The following PRKAR2B variants were observed in gnomAD, a reference collection of about 807,000 sequenced individuals.
PRKAR2B encodes the protein cAMP-dependent protein kinase type II-beta regulatory subunit.
PRKAR2B carries 14 observed loss-of-function variants against 49.9 expected under a neutral mutation model. The observed-to-expected ratio is 0.28, with a 90% CI of 0.19 to 0.44. The LOEUF is 0.44. PRKAR2B is among the 20% of genes least tolerant of loss of function. The probability of loss-of-function intolerance (pLI) is 1.00; values close to 1 mark genes in which losing one functional copy is unlikely to be tolerated. For synonymous variants in PRKAR2B, 196 were observed against 197.7 expected, an observed-to-expected ratio of 0.99 and a Z score of 0.07; for missense variants, 393 against 537.9, an observed-to-expected ratio of 0.73 and a Z score of 2.67.
chr7:107,092,246 TG>T (rs1039418512), intron 2 of PRKAR2B, among the ~76,000 whole-genome samples: 3 of 31,600 alleles, frequency 9.5e-5, no homozygotes, highest in Non-Finnish European at 1.9e-4. Flanking sequence ...ACCATTAAGT[TG>T]TGTGTGTGTG....
intron 2 of PRKAR2B, among the ~76,000 whole-genome samples, chr7:107,071,505 G>A (rs1794276759): frequency 2.6e-5 from 4 of 152,312 alleles, no homozygotes; most frequent in African/African-American, 9.6e-5. Flanking sequence ...GAGACATTAT[G>A]TTTATGTCAG....
At chr7:107,097,178 A>T (rs183253091) in intron 2 of PRKAR2B, among the ~76,000 whole-genome samples, 14 of 152,330 alleles carry the variant, frequency 9.2e-5, no homozygotes, top group African/African-American at 3.4e-4. Flanking sequence ...GACTTGCTTT[A>T]TGAATCTGGG....
At chr7:107,080,754 A>T (rs1485725801) in intron 2 of PRKAR2B, among the ~76,000 whole-genome samples, 1 of 152,258 alleles carries the variant, frequency 6.6e-6, no homozygotes, top group African/African-American at 2.4e-5. Context: ...TTAGGTACAG[A>T]AGGCAATATG....
At chr7:107,098,278 C>T (rs1200602719) in intron 2 of PRKAR2B, among the ~76,000 whole-genome samples, 1 of 152,168 alleles carries the variant, frequency 6.6e-6, no homozygotes, top group African/African-American at 2.4e-5. Context: ...GTCACTGATA[C>T]CCTTTCTTCC....
chr7:107,139,882 C>G (rs1023626570), intron 4 of PRKAR2B, among the ~76,000 whole-genome samples: 5 of 152,140 alleles, frequency 3.3e-5, no homozygotes, highest in African/African-American at 9.7e-5. Flanking sequence ...ATCTTCAACT[C>G]TTTAGTTTAT....
At chr7:107,098,859 C>T (rs534254750) in intron 2 of PRKAR2B, among the ~76,000 whole-genome samples, 2 of 152,284 alleles carry the variant, frequency 1.3e-5, no homozygotes, top group East Asian at 3.9e-4. Context: ...AATGTTGCTG[C>T]CTGATCCTTT....
At chr7:107,126,132 G>A (rs1584441736) in intron 3 of PRKAR2B, among the ~76,000 whole-genome samples, 3 of 144,764 alleles carry the variant, frequency 2.1e-5, no homozygotes, top group Admixed American at 1.4e-4. Context: ...GCTGGCTCAC[G>A]CCTGTAATCC....
At position 107,089,298 on chromosome 7, in the gene PRKAR2B, G is replaced by C. The variant is rs146379308; in HGVS notation, c.343+18982G>C. ...ATGGCAGAGATGGGATTATGCTTCA[G>C]GCTCTCTGAATTCTGCGCTCTTTCC... On this transcript the variant is annotated intron_variant, in intron 2 of 10. Coordinates refer to ENST00000265717, the MANE Select transcript of PRKAR2B (RefSeq NM_002736.3). 9.0e-4 allele frequency among the ~76,000 whole-genome samples: 137 copies of C among 152,280 alleles called. 1 individual carries two copies. Among genetic ancestry groups the C allele is most frequent in the African/African-American group, 3.0e-3 (126 of 41,566 alleles).
chr7:107,087,808 A>C (rs1275113599), intron 2 of PRKAR2B, among the ~76,000 whole-genome samples: 1 of 152,142 alleles, frequency 6.6e-6, no homozygotes, highest in Admixed American at 6.5e-5. Context: ...TAGATTACTT[A>C]TCTCTCTTGA....
chr7:107,145,359 C>T (rs1017220038), intron 5 of PRKAR2B, among the ~76,000 whole-genome samples: 2 of 152,086 alleles, frequency 1.3e-5, no homozygotes, highest in Non-Finnish European at 2.9e-5. Flanking sequence ...TATAAAGGAC[C>T]CTAGTAAGTT....
intron 7 of PRKAR2B, among the ~76,000 whole-genome samples, chr7:107,151,778 C>G (rs1190931324): frequency 6.6e-6 from 1 of 152,074 alleles, no homozygotes; most frequent in Non-Finnish European, 1.5e-5. Flanking sequence ...CTCTGCCTGG[C>G]GTTGTACTGC....
chr7:107,090,911 T>C (rs1794722128), intron 2 of PRKAR2B, among the ~76,000 whole-genome samples: 1 of 152,214 alleles, frequency 6.6e-6, no homozygotes, highest in Non-Finnish European at 1.5e-5. Context: ...TCAGTTCTTC[T>C]AGCTACTAAA....
intron 2 of PRKAR2B, among the ~76,000 whole-genome samples, chr7:107,101,839 G>A (rs1394218558): frequency 8.2e-6 from 1 of 122,524 alleles, no homozygotes. Flanking sequence ...TTCTTAATTT[G>A]TTGTATGCCT....
chr7:107,085,725 T>C (rs1437966638), intron 2 of PRKAR2B, among the ~76,000 whole-genome samples: 1 of 152,210 alleles, frequency 6.6e-6, no homozygotes. Flanking sequence ...CTATTTTCCA[T>C]GACCTTACCT....
intron 2 of PRKAR2B, among the ~76,000 whole-genome samples, chr7:107,077,593 T>G (rs1794423505): frequency 6.6e-6 from 1 of 152,204 alleles, no homozygotes; most frequent in Non-Finnish European, 1.5e-5. Context: ...ATCAAGCACC[T>G]ATGGCATGGA....
chr7:107,098,367 T>C (rs548786084), intron 2 of PRKAR2B, among the ~76,000 whole-genome samples: 5 of 152,316 alleles, frequency 3.3e-5, no homozygotes, highest in Non-Finnish European at 7.4e-5. Flanking sequence ...CATCAGGTCA[T>C]TTAAGGTCTT....
At chr7:107,149,892 G>A (rs2115662526) in intron 6 of PRKAR2B, among the ~76,000 whole-genome samples, 1 of 152,166 alleles carries the variant, frequency 6.6e-6, no homozygotes. Context: ...AGATGCTTGA[G>A]GGGGCAGATA....
At chr7:107,072,917 G>T (rs1361192271) in intron 2 of PRKAR2B, among the ~76,000 whole-genome samples, 1 of 152,136 alleles carries the variant, frequency 6.6e-6, no homozygotes, top group African/African-American at 2.4e-5. Context: ...AAATCAACTG[G>T]AAGTCTGTAC....
chr7:107,091,665 A>G (rs964279906), intron 2 of PRKAR2B: 3 of 152,242 alleles, frequency 2.0e-5, no homozygotes, highest in Non-Finnish European at 4.4e-5. Flanking sequence ...AATACAAGTC[A>G]GCAGTAACTT....
Sources: gnomAD v4.1 joint callset for allele counts (sites outside exome capture counted in the v4.1 genomes callset) on GRCh38, gnomAD v4.1.1 for gene constraint, MANE v1.5 for transcripts, NCBI Gene and HGNC (gene_info 2026-07-23, HGNC 2026-07-21) for gene names.